Variants in DPH6 observed in about 807,000 individuals in gnomAD.
The protein encoded by DPH6 is diphthine--ammonia ligase.
A neutral mutation model predicts 38.2 loss-of-function variants in DPH6; 33 were observed. That is an observed-to-expected ratio of 0.86 (90% CI 0.65 to 1.15). DPH6 has a LOEUF of 1.15. Among genes scored for constraint, DPH6 ranks in the 50% most tolerant of loss-of-function variants. DPH6 has a pLI of 0.00. For missense variants in DPH6, 325 were observed against 320.0 expected (o/e 1.02, Z -0.12); for synonymous variants, 108 against 103.0 (o/e 1.05, Z -0.30).
intron 3 of DPH6, among the ~76,000 whole-genome samples, chr15:35,351,064 C>A (rs1375980948): frequency 6.6e-6 from 1 of 152,150 alleles, no homozygotes; most frequent in Non-Finnish European, 1.5e-5. Context: ...ATTATCCCTG[C>A]AATTCTTTCA....
intron 3 of DPH6, among the ~76,000 whole-genome samples, chr15:35,345,174 A>G (rs1037263964): frequency 4.6e-5 from 7 of 151,862 alleles, no homozygotes; most frequent in Admixed American, 2.6e-4. Flanking sequence ...AGCCTCATTC[A>G]CTTTCTATTT....
At chr15:35,415,121 C>T (rs189646819) in intron 5 of DPH6, among the ~76,000 whole-genome samples, 5 of 152,036 alleles carry the variant, frequency 3.3e-5, no homozygotes, top group Non-Finnish European at 7.4e-5. Context: ...AGTACAATTA[C>T]GTTTTTCACA....
chr15:35,180,870 T>C, the DPH6 span, among the ~76,000 whole-genome samples: 1 of 152,250 alleles, frequency 6.6e-6, no homozygotes, highest in Non-Finnish European at 1.5e-5. Context: ...ATATTTCTTA[T>C]GGCCAAAGTG....
At chr15:35,458,173 TTATCTAC>T (rs1334877598) in intron 3 of DPH6, among the ~76,000 whole-genome samples, 1 of 152,214 alleles carries the variant, frequency 6.6e-6, no homozygotes, top group Non-Finnish European at 1.5e-5. Context: ...ATAATATTTT[TTATCTAC>T]AGTGGGTTGA....
chr15:35,277,977 C>G (rs912098033), intron 3 of DPH6, among the ~76,000 whole-genome samples: 3 of 152,128 alleles, frequency 2.0e-5, no homozygotes, highest in Admixed American at 2.0e-4. Flanking sequence ...AAAAGTTTGA[C>G]AAATTTGCAT....
intron 3 of DPH6, among the ~76,000 whole-genome samples, chr15:35,531,250 G>C (rs943721881): frequency 1.3e-5 from 2 of 152,150 alleles, no homozygotes; most frequent in African/African-American, 4.8e-5. Flanking sequence ...AAACTAATTA[G>C]AAAGAGTTTC....
the DPH6 span, among the ~76,000 whole-genome samples, chr15:35,198,786 T>C: frequency 1.3e-5 from 2 of 152,220 alleles, no homozygotes; most frequent in African/African-American, 4.8e-5. Flanking sequence ...TCTTACAAGA[T>C]GAATATAGGT....
intron 7 of DPH6, among the ~76,000 whole-genome samples, chr15:35,380,169 A>C (rs1467698316): frequency 1.3e-5 from 2 of 152,246 alleles, no homozygotes; most frequent in Non-Finnish European, 2.9e-5. Flanking sequence ...CTTTGGTTAC[A>C]GGAAGAACTC....
chr15:35,288,618 C>T (rs2051959209), intron 3 of DPH6, among the ~76,000 whole-genome samples: 2 of 152,094 alleles, frequency 1.3e-5, no homozygotes, highest in Admixed American at 1.3e-4. Context: ...GCCAAGCTTC[C>T]TCTGTGACCT....
At chr15:35,250,233 T>C (rs997511290) in intron 3 of DPH6, among the ~76,000 whole-genome samples, 2 of 151,814 alleles carry the variant, frequency 1.3e-5, no homozygotes, top group Admixed American at 1.3e-4. Flanking sequence ...AATAAAATTA[T>C]ATAAGATATA....
At chr15:35,498,121 T>C (rs960833225) in intron 3 of DPH6, among the ~76,000 whole-genome samples, 1 of 152,182 alleles carries the variant, frequency 6.6e-6, no homozygotes, top group African/African-American at 2.4e-5. Context: ...CTTCTCTCCA[T>C]TGAGTATAGA....
chr15:35,180,776 C>T, the DPH6 span, among the ~76,000 whole-genome samples: 2 of 152,094 alleles, frequency 1.3e-5, no homozygotes, highest in South Asian at 2.1e-4. Flanking sequence ...GCATAAGCCA[C>T]CATGCCTGCC....
intron 3 of DPH6, among the ~76,000 whole-genome samples, chr15:35,277,356 A>T (rs1347444643): frequency 1.3e-5 from 2 of 152,186 alleles, no homozygotes; most frequent in Non-Finnish European, 2.9e-5. Context: ...GTATACAATC[A>T]TATCATCAGC....
At chr15:35,538,543 T>C (rs1566945168) in intron 2 of DPH6, 76 bp from the exon 3 acceptor site, 2 of 1,299,172 alleles carry the variant, frequency 1.5e-6, no homozygotes, top group Non-Finnish European at 2.0e-6. Context: ...ATCCAGGTTT[T>C]ACTGCTTGAA....
chr15:35,349,160 G>A (rs1023999321), intron 3 of DPH6, among the ~76,000 whole-genome samples: 3 of 151,616 alleles, frequency 2.0e-5, no homozygotes, highest in African/African-American at 7.3e-5. Context: ...TCTTTTTCTT[G>A]CCTAATTAAT....
At chr15:35,365,812 T>C in intron 3 of DPH6, 1 of 985,280 alleles carries the variant, frequency 1.0e-6, no homozygotes, top group Non-Finnish European at 1.2e-6. Context: ...CTTGATTTAT[T>C]AATCTGCTCC....
At chr15:35,492,617 T>C (rs1363952451) in intron 3 of DPH6, among the ~76,000 whole-genome samples, 2 of 152,210 alleles carry the variant, frequency 1.3e-5, no homozygotes, top group South Asian at 2.1e-4. Context: ...ATTATAACCA[T>C]GATTGAGCTG....
At position 35,299,203 on chromosome 15, in the gene DPH6, G is replaced by T. The variant is rs529846634; in HGVS notation, n.200+74318C>A. The T allele has an allele frequency of 9.7e-6, 13 of 1,347,034 alleles. No individual in the cohort carries two copies. In the South Asian group the frequency reaches 1.2e-4, roughly 12 times the overall value. 83.4% of individuals were successfully genotyped at this position (1,347,034 alleles called of 1,614,324 possible). ...CCTGCAGAAAACCCACTGGGAACAG[G>T]ATCCTTCAGCCCAGCTGGCACATGC... On this transcript the variant is annotated intron_variant and non_coding_transcript_variant, in intron 3 of 3. Transcript: ENST00000560386.
At chr15:35,450,826 AAGTC>A (rs747440013) in intron 4 of DPH6, 23 bp from the exon 5 acceptor site, 1 of 1,552,728 alleles carries the variant, frequency 6.4e-7, no homozygotes, top group Non-Finnish European at 8.8e-7. Context: ...AAGAAAAAGA[AAGTC>A]AGATGATCTC....
Sources: gnomAD v4.1 joint callset for allele counts (sites outside exome capture counted in the v4.1 genomes callset) on GRCh38, gnomAD v4.1.1 for gene constraint, MANE v1.5 for transcripts, NCBI Gene and HGNC (gene_info 2026-07-23, HGNC 2026-07-21) for gene names.